Variants in KIAA1217 observed in about 807,000 individuals in gnomAD.
The protein encoded by KIAA1217 is KIAA1217.
KIAA1217 carries 88 observed loss-of-function variants against 163.9 expected under a neutral mutation model. The observed-to-expected ratio is 0.54, with a 90% CI of 0.45 to 0.64. The LOEUF is 0.64. Ranked by LOEUF, KIAA1217 falls within the 30% of genes least tolerant of loss-of-function variation. The pLI is 0.00. For missense variants in KIAA1217, 2,372 were observed against 2,475.0 expected (o/e 0.96, Z 0.88); for synonymous variants, 903 against 923.1 (o/e 0.98, Z 0.39).
In KIAA1217 at chr10:24,013,461, G is replaced by T. The variant is rs140668683; in HGVS notation, c.-171+6087G>T. 3.9e-5 allele frequency among the ~76,000 whole-genome samples: 6 copies of T among 152,116 alleles called. No individual in the cohort carries two copies. In the East Asian group the frequency reaches 9.7e-4, roughly 25 times the overall value. The stretch of plus-strand genomic sequence containing the variant: ...GTGGACAAAAGCCAAAGGCTTATAG[G>T]AACCAAGCCCCGTATTTCCTCTAGG... On this transcript the variant is annotated intron_variant, in intron 2 of 18. Transcript: ENST00000376462.
intron 2 of KIAA1217, among the ~76,000 whole-genome samples, chr10:24,231,654 A>G (rs1488455249): frequency 6.6e-6 from 1 of 152,200 alleles, no homozygotes; most frequent in Non-Finnish European, 1.5e-5. Flanking sequence ...TTACATTTGG[A>G]TATGATGAAA....
chr10:23,880,267 A>AT (rs1225382397), intron 1 of KIAA1217, among the ~76,000 whole-genome samples: 3 of 151,982 alleles, frequency 2.0e-5, no homozygotes, highest in African/African-American at 7.2e-5. Context: ...TAATTCTACC[A>AT]TAAAAAAAAA....
chr10:24,261,397 T>C (rs1376974488), intron 2 of KIAA1217, among the ~76,000 whole-genome samples: 3 of 150,806 alleles, frequency 2.0e-5, no homozygotes, highest in Non-Finnish European at 4.4e-5. Flanking sequence ...CTTGGGAGGC[T>C]GAGGCAGGAG....
intron 2 of KIAA1217, among the ~76,000 whole-genome samples, chr10:24,370,107 T>C (rs2051373149): frequency 6.6e-6 from 1 of 151,634 alleles, no homozygotes. Context: ...CTACTACAAA[T>C]ATAAAAACTT....
intron 2 of KIAA1217, among the ~76,000 whole-genome samples, chr10:24,194,720 A>G (rs1311183743): frequency 2.7e-5 from 4 of 149,446 alleles, no homozygotes; most frequent in Non-Finnish European, 5.9e-5. Flanking sequence ...AGTAGCTGGG[A>G]CTATAGGCAT....
intron 2 of KIAA1217, among the ~76,000 whole-genome samples, chr10:24,353,764 G>A (rs958818764): frequency 6.6e-6 from 1 of 152,146 alleles, no homozygotes; most frequent in East Asian, 1.9e-4. Flanking sequence ...GAATTGTTAT[G>A]AGCATACATT....
chr10:23,837,446 C>T (rs1838529982), intron 1 of KIAA1217, among the ~76,000 whole-genome samples: 2 of 152,218 alleles, frequency 1.3e-5, no homozygotes. Context: ...TTCACTCTTC[C>T]AGAGCCATGC....
At chr10:24,257,343 G>T (rs1262498109) in intron 2 of KIAA1217, among the ~76,000 whole-genome samples, 1 of 152,174 alleles carries the variant, frequency 6.6e-6, no homozygotes. Context: ...CGGCGTGGGG[G>T]GTGGAGGGAG....
intron 1 of KIAA1217, among the ~76,000 whole-genome samples, chr10:23,992,043 A>C (rs1201030033): frequency 6.6e-6 from 1 of 152,298 alleles, no homozygotes; most frequent in East Asian, 1.9e-4. Flanking sequence ...GTTGCCCCCC[A>C]AAACGCATCA....
At chr10:24,295,891 C>T (rs1185100127) in intron 2 of KIAA1217, among the ~76,000 whole-genome samples, 1 of 152,148 alleles carries the variant, frequency 6.6e-6, no homozygotes, top group East Asian at 1.9e-4. Context: ...TGGCACATGG[C>T]TCTTCTGTTT....
intron 5 of KIAA1217, among the ~76,000 whole-genome samples, chr10:24,472,368 T>C (rs2063617243): frequency 6.6e-6 from 1 of 152,132 alleles, no homozygotes; most frequent in African/African-American, 2.4e-5. Flanking sequence ...AAATGAAGAG[T>C]TGGTGAATGA....
chr10:23,970,354 C>A (rs981793733), intron 1 of KIAA1217, among the ~76,000 whole-genome samples: 1 of 152,058 alleles, frequency 6.6e-6, no homozygotes, highest in African/African-American at 2.4e-5. Context: ...GGAACCTGGG[C>A]AACATTAGGC....
intron 6 of KIAA1217, among the ~76,000 whole-genome samples, chr10:24,486,452 A>G (rs1202735747): frequency 2.0e-5 from 3 of 152,198 alleles, no homozygotes; most frequent in Non-Finnish European, 4.4e-5. Flanking sequence ...GGTGTGGAGA[A>G]TAAATGATTT....
At chr10:24,066,351 C>G (rs543351626) in intron 2 of KIAA1217, among the ~76,000 whole-genome samples, 10 of 151,652 alleles carry the variant, frequency 6.6e-5, no homozygotes, top group African/African-American at 1.5e-4. Flanking sequence ...GTGACAAAAT[C>G]TCTCAGCATT....
chr10:23,871,979 C>A (rs1840477450), intron 1 of KIAA1217, among the ~76,000 whole-genome samples: 1 of 152,070 alleles, frequency 6.6e-6, no homozygotes. Flanking sequence ...TTTCTTCCAG[C>A]AGAGGCCCAT....
chr10:24,210,308 A>G (rs1296545222), intron 1 of KIAA1217, among the ~76,000 whole-genome samples: 1 of 152,226 alleles, frequency 6.6e-6, no homozygotes, highest in Non-Finnish European at 1.5e-5. Flanking sequence ...TGAAATGCAG[A>G]AAACTTGAAG....
intron 2 of KIAA1217, among the ~76,000 whole-genome samples, chr10:24,232,619 T>G (rs1438337768): frequency 2.0e-5 from 3 of 152,048 alleles, no homozygotes; most frequent in Admixed American, 2.0e-4. Flanking sequence ...TGTTGAGGGA[T>G]CTAAAAAAGA....
intron 2 of KIAA1217, among the ~76,000 whole-genome samples, chr10:24,060,550 T>C (rs921484760): frequency 6.6e-6 from 1 of 152,196 alleles, no homozygotes; most frequent in African/African-American, 2.4e-5. Flanking sequence ...GTCCTACTGC[T>C]TTAGGAGGCC....
At chr10:23,702,710 A>C (rs930054081) in intron 1 of KIAA1217, among the ~76,000 whole-genome samples, 12 of 128,592 alleles carry the variant, frequency 9.3e-5, no homozygotes, top group African/African-American at 3.3e-4. Context: ...CACACACACA[A>C]ATATATTGTA....
Sources: gnomAD v4.1 joint callset for allele counts (sites outside exome capture counted in the v4.1 genomes callset) on GRCh38, gnomAD v4.1.1 for gene constraint, MANE v1.5 for transcripts, NCBI Gene and HGNC (gene_info 2026-07-23, HGNC 2026-07-21) for gene names.